Variants in MLLT3 observed in about 807,000 individuals in gnomAD.
MLLT3 encodes the protein protein AF-9.
In MLLT3, 4 loss-of-function variants were observed where a neutral mutation model predicts 53.2. That is an observed-to-expected ratio of 0.08 (90% CI 0.04 to 0.17). The LOEUF (loss-of-function observed/expected upper bound fraction) is 0.17, where lower values mean the gene tolerates loss of function less well. MLLT3 is among the 10% of genes least tolerant of loss of function. The probability of loss-of-function intolerance (pLI) is 1.00; values close to 1 mark genes in which losing one functional copy is unlikely to be tolerated. For synonymous variants in MLLT3, 283 were observed against 230.6 expected, an observed-to-expected ratio of 1.23 and a Z score of -2.06; for missense variants, 569 against 684.0, an observed-to-expected ratio of 0.83 and a Z score of 1.87.
In MLLT3 at chr9:20,600,290, C is replaced by T. The variant is rs528100806; in HGVS notation, c.193+20364G>A. Among the ~76,000 whole-genome samples the T allele has an allele frequency of 2.0e-5, 3 of 152,172 alleles. No individual in the cohort carries two copies. In the South Asian group the frequency reaches 6.2e-4, roughly 31 times the overall value. ...TGTGTTTGTGTGTATGGAAAACATG[C>T]CTGATGCCAGACTAAGCATTTCCAG... On this transcript the variant is annotated intron_variant, in intron 2 of 10. Coordinates refer to ENST00000380338, the MANE Select transcript of MLLT3 (RefSeq NM_004529.4).
intron 2 of MLLT3, among the ~76,000 whole-genome samples, chr9:20,525,001 T>G (rs1181600414): frequency 6.6e-6 from 1 of 151,312 alleles, no homozygotes; most frequent in Non-Finnish European, 1.5e-5. Flanking sequence ...ACCTAGTAGC[T>G]TGGCCCAGTG....
chr9:20,351,108 G>A (rs1185180456), intron 10 of MLLT3, among the ~76,000 whole-genome samples: 5 of 152,192 alleles, frequency 3.3e-5, no homozygotes, highest in African/African-American at 1.2e-4. Context: ...TACAAGGGGT[G>A]CTGAGATATG....
intron 2 of MLLT3, among the ~76,000 whole-genome samples, chr9:20,484,223 CA>C (rs1824746505): frequency 6.6e-6 from 1 of 152,080 alleles, no homozygotes; most frequent in African/African-American, 2.4e-5. Flanking sequence ...GAAATCTTAC[CA>C]AATAAATTTT....
In MLLT3 at chr9:20,593,908, T is replaced by C. The variant is rs536805717; in HGVS notation, c.193+26746A>G. Among the ~76,000 whole-genome samples, 123 of 152,118 alleles carry C rather than the reference T, an allele frequency of 8.1e-4. 2 individuals carry two copies. The South Asian group carries it at 0.025, about 31-fold the overall frequency. On this transcript the variant is annotated intron_variant, in intron 2 of 10. Coordinates refer to ENST00000380338, the MANE Select transcript of MLLT3 (RefSeq NM_004529.4). ...ATACATTGTTGTTGTACTCCATGTG[T>C]AGGAATGCAGGATAAGCTTACTCAA...
chr9:20,621,902 C>CGTGT lies in MLLT3; in HGVS notation c.12+339_12+342dup, dbSNP rs142328824. The CGTGT allele has an allele frequency of 0.063, 78,175 of 1,232,424 alleles. 1,054 individuals carry two copies. The highest frequency in any genetic ancestry group is 0.29 in the East Asian group (8,631 of 30,246). 76.3% of individuals were successfully genotyped at this position (1,232,424 alleles called of 1,614,324 possible). A position where few individuals can be genotyped will look rare whatever the true frequency, so the allele number is the denominator to read the frequency against. Reference sequence around the variant, plus strand: ...TGAGTTATTATTCGCCTCCTTCCACCGTGTGTGTGTGTGTGTGTGAGTGCG... The same window carrying CGTGT: ...TGAGTTATTATTCGCCTCCTTCCACCGTGTGTGTGTGTGTGTGTGTGTGAGTGCG... On this transcript the variant is annotated intron_variant, in intron 1 of 10. Coordinates refer to ENST00000380338, the MANE Select transcript of MLLT3 (RefSeq NM_004529.4). The surrounding 1 kb of genome is among the most constrained non-coding windows in gnomAD (Gnocchi z 7.0).
chr9:20,350,631 A>T (rs1161349258), intron 10 of MLLT3, among the ~76,000 whole-genome samples: 1 of 152,044 alleles, frequency 6.6e-6, no homozygotes, highest in Non-Finnish European at 1.5e-5. Context: ...AACCAGGTAC[A>T]TATGGGTAGT....
rs193200259 is a variant in MLLT3, at chr9:20,390,418, C to T, written c.1125+23303G>A. Among the ~76,000 whole-genome samples the T allele has an allele frequency of 3.3e-3, 495 of 152,244 alleles. 2 individuals carry two copies. Among genetic ancestry groups the T allele is most frequent in the Middle Eastern group, 0.014 (4 of 292 alleles). ...ATAAAGATCAGATAAAAGCACTGAT[C>T]CCAAAATAATCATAAATTAATTCCT... On this transcript the variant is annotated intron_variant, in intron 5 of 10. Coordinates refer to ENST00000380338, the MANE Select transcript of MLLT3 (RefSeq NM_004529.4).
chr9:20,440,114 T>C (rs1426001046), intron 4 of MLLT3, among the ~76,000 whole-genome samples: 2 of 152,208 alleles, frequency 1.3e-5, no homozygotes, highest in Non-Finnish European at 2.9e-5. Flanking sequence ...TACTTAACTA[T>C]GTACCAGATA....
chr9:20,520,848 G>A (rs1252765076), intron 2 of MLLT3, among the ~76,000 whole-genome samples: 1 of 152,160 alleles, frequency 6.6e-6, no homozygotes, highest in South Asian at 2.1e-4. Flanking sequence ...GCTGGCCATG[G>A]CCACGGCTGC....
chr9:20,369,113 T>TAAA (rs1821528099), intron 5 of MLLT3, among the ~76,000 whole-genome samples: 1 of 152,118 alleles, frequency 6.6e-6, no homozygotes, highest in African/African-American at 2.4e-5. Flanking sequence ...GCATCACAGG[T>TAAA]AATGATGATG....
At chr9:20,543,432 C>A (rs1391725730) in intron 2 of MLLT3, among the ~76,000 whole-genome samples, 1 of 152,146 alleles carries the variant, frequency 6.6e-6, no homozygotes, top group Non-Finnish European at 1.5e-5. Context: ...AAAACAGTTA[C>A]AATAGTATCT....
chr9:20,616,811 T>A (rs938405037), intron 2 of MLLT3, among the ~76,000 whole-genome samples: 3 of 152,152 alleles, frequency 2.0e-5, no homozygotes, highest in African/African-American at 7.2e-5. Context: ...ATTTTGACTA[T>A]TACAAAAACA....
intron 2 of MLLT3, among the ~76,000 whole-genome samples, chr9:20,593,471 G>C (rs542166341): frequency 1.2e-3 from 181 of 152,258 alleles, no homozygotes; most frequent in African/African-American, 4.0e-3. Context: ...AATTTTTCTT[G>C]CTGCACTTTA....
At chr9:20,457,970 CCA>C (rs1563973474) in intron 2 of MLLT3, among the ~76,000 whole-genome samples, 1 of 152,150 alleles carries the variant, frequency 6.6e-6, no homozygotes, top group Non-Finnish European at 1.5e-5. Flanking sequence ...TTCAGCAGCC[CCA>C]GTTTACCTGT....
chr9:20,479,961 T>C (rs901883062), intron 2 of MLLT3, among the ~76,000 whole-genome samples: 4 of 152,188 alleles, frequency 2.6e-5, no homozygotes, highest in Non-Finnish European at 5.9e-5. Context: ...CTCTGAACCA[T>C]TGCAACAGAG....
intron 5 of MLLT3, among the ~76,000 whole-genome samples, chr9:20,375,528 C>G (rs1042614138): frequency 6.6e-6 from 1 of 151,866 alleles, no homozygotes; most frequent in African/African-American, 2.4e-5. Flanking sequence ...TGATCCATTG[C>G]TTCTAACATT....
intron 4 of MLLT3, among the ~76,000 whole-genome samples, chr9:20,421,575 T>C (rs1177965088): frequency 6.6e-6 from 1 of 152,122 alleles, no homozygotes; most frequent in African/African-American, 2.4e-5. Context: ...GTGCTTTAAT[T>C]ATATAATTGT....
At chr9:20,578,417 C>A (rs566946803) in intron 2 of MLLT3, among the ~76,000 whole-genome samples, 1 of 152,174 alleles carries the variant, frequency 6.6e-6, no homozygotes, top group East Asian at 1.9e-4. Flanking sequence ...GTGGCTCACA[C>A]TTGTAATTCC....
At chr9:20,439,954 C>T (rs1014241090) in intron 4 of MLLT3, among the ~76,000 whole-genome samples, 6 of 152,078 alleles carry the variant, frequency 3.9e-5, no homozygotes, top group African/African-American at 1.4e-4. Flanking sequence ...TATGTTCTTT[C>T]TGGTAGAACA....
Sources: allele counts gnomAD v4.1 joint callset (sites outside exome capture counted in the v4.1 genomes callset), GRCh38; gene constraint gnomAD v4.1.1; non-coding constraint Gnocchi (gnomAD v3.1); transcripts MANE v1.5; gene names NCBI Gene and HGNC (gene_info 2026-07-23, HGNC 2026-07-21).